The following C10orf90 variants were observed in gnomAD, a reference collection of about 807,000 sequenced individuals.
The protein encoded by C10orf90 is (E2-independent) E3 ubiquitin-conjugating enzyme FATS.
C10orf90 carries 56 observed loss-of-function variants against 62.5 expected under a neutral mutation model. The observed-to-expected ratio is 0.90, with a 90% confidence interval of 0.72 to 1.12. The LOEUF is 1.12. Ranked by LOEUF, C10orf90 falls within the 50% of genes most tolerant of loss-of-function variation. The pLI is 0.00. For synonymous variants in C10orf90, 386 were observed against 340.4 expected (o/e 1.13, Z -1.47); for missense variants, 970 against 880.4 (o/e 1.10, Z -1.29).
At chr10:126,496,509 G>T in intron 4 of C10orf90, 1 of 245,368 alleles carries the variant, frequency 4.1e-6, no homozygotes, top group Non-Finnish European at 6.5e-6. Flanking sequence ...CCACATGAAG[G>T]ACAATAAAGT....
At chr10:126,564,078 A>G (rs1215919369) in intron 2 of C10orf90, among the ~76,000 whole-genome samples, 1 of 152,104 alleles carries the variant, frequency 6.6e-6, no homozygotes, top group Non-Finnish European at 1.5e-5. Flanking sequence ...GTCTCCAGAC[A>G]TTGCAAATGG....
chr10:126,440,724 A>G (rs1858252882), intron 7 of C10orf90, among the ~76,000 whole-genome samples: 1 of 152,200 alleles, frequency 6.6e-6, no homozygotes, highest in African/African-American at 2.4e-5. Context: ...GACTCTGTGC[A>G]GACAACCCCC....
intron 2 of C10orf90, among the ~76,000 whole-genome samples, chr10:126,565,190 T>TTATATTACATAATATGTAATATAATA (rs1844326691): frequency 1.3e-4 from 3 of 22,960 alleles, no homozygotes; most frequent in Non-Finnish European, 1.8e-4. Context: ...TAATATAATA[T>TTATATTACATAATATGTAATATAATA]TTATATTACA....
At chr10:126,515,635 C>A (rs1190738449) in intron 2 of C10orf90, among the ~76,000 whole-genome samples, 1 of 152,182 alleles carries the variant, frequency 6.6e-6, no homozygotes, top group East Asian at 1.9e-4. Context: ...AATCCTCCAA[C>A]CACATTTCTC....
chr10:126,563,069 A>C (rs1044038684), intron 2 of C10orf90, among the ~76,000 whole-genome samples: 1 of 152,210 alleles, frequency 6.6e-6, no homozygotes, highest in Non-Finnish European at 1.5e-5. Flanking sequence ...CCAGCCCCGG[A>C]GTATTTACAC....
chr10:126,429,246 C>A (rs1857434497), intron 8 of C10orf90, among the ~76,000 whole-genome samples: 1 of 152,134 alleles, frequency 6.6e-6, no homozygotes, highest in African/African-American at 2.4e-5. Context: ...ACCAGCCAAG[C>A]AGAATAAGGA....
At chr10:126,639,358 C>T (rs1286913530) in intron 2 of C10orf90, among the ~76,000 whole-genome samples, 1 of 152,194 alleles carries the variant, frequency 6.6e-6, no homozygotes, top group Non-Finnish European at 1.5e-5. Context: ...CGATATCTCC[C>T]CAGGAGGTGC....
chr10:126,663,010 C>T (rs1396060684), intron 1 of C10orf90, among the ~76,000 whole-genome samples: 2 of 152,202 alleles, frequency 1.3e-5, no homozygotes, highest in Non-Finnish European at 2.9e-5. Flanking sequence ...GTTCCTGGCA[C>T]ACAGTAGGTC....
intron 4 of C10orf90, among the ~76,000 whole-genome samples, chr10:126,490,423 G>A (rs953108809): frequency 2.7e-4 from 41 of 151,616 alleles, no homozygotes; most frequent in African/African-American, 9.2e-4. Flanking sequence ...TGTTTAATGG[G>A]GAGTTAGTGT....
At chr10:126,565,395 TTA>T (rs1207023777) in intron 2 of C10orf90, among the ~76,000 whole-genome samples, 3 of 74,034 alleles carry the variant, frequency 4.1e-5, no homozygotes, top group East Asian at 7.0e-4. Flanking sequence ...ATTATATATA[TTA>T]TATTATATAT....
intron 2 of C10orf90, among the ~76,000 whole-genome samples, chr10:126,565,378 A>G (rs1362898176): frequency 1.3e-5 from 1 of 79,384 alleles, no homozygotes; most frequent in South Asian, 3.1e-4. Context: ...TTTATATAAT[A>G]ATATATATTA....
At chr10:126,666,581 A>G (rs1224913631) in intron 1 of C10orf90, among the ~76,000 whole-genome samples, 1 of 152,138 alleles carries the variant, frequency 6.6e-6, no homozygotes, top group Admixed American at 6.5e-5. Context: ...GTCACCTGGT[A>G]AGTGTTCTTC....
chr10:126,530,499 G>A (rs1864065109), intron 2 of C10orf90, among the ~76,000 whole-genome samples: 1 of 151,518 alleles, frequency 6.6e-6, no homozygotes, highest in Non-Finnish European at 1.5e-5. Flanking sequence ...CAAATTGCTT[G>A]AAAAAAAATA....
Position 126,594,988 on chromosome 10 carries a change from A to G in C10orf90, c.313+51577T>C, listed in dbSNP as rs576350020. Among the ~76,000 whole-genome samples the G allele has an allele frequency of 5.3e-5, 8 of 152,270 alleles. No individual in the cohort carries two copies. The East Asian group carries it at 1.5e-3, about 29-fold the overall frequency. ...GAGACATGATCAGGTTCATGCTAAG[A>G]GAGACCACTCTACTTTAAAAGGTTT... On this transcript the variant is annotated intron_variant, in intron 2 of 9. Transcript: ENST00000488181.
At chr10:126,605,212 C>T (rs1328067234) in intron 2 of C10orf90, among the ~76,000 whole-genome samples, 1 of 152,154 alleles carries the variant, frequency 6.6e-6, no homozygotes, top group Admixed American at 6.5e-5. Flanking sequence ...ATATGAATGA[C>T]CGTAAATGCC....
intron 2 of C10orf90, among the ~76,000 whole-genome samples, chr10:126,600,475 G>T (rs777234511): frequency 6.6e-6 from 1 of 152,122 alleles, no homozygotes; most frequent in Non-Finnish European, 1.5e-5. Flanking sequence ...CCTCATGGGC[G>T]CACACATGAC....
intron 2 of C10orf90, among the ~76,000 whole-genome samples, chr10:126,568,702 C>A (rs981187649): frequency 6.6e-6 from 1 of 152,114 alleles, no homozygotes; most frequent in South Asian, 2.1e-4. Context: ...TCTGCCTACA[C>A]CAGATAGAGG....
chr10:126,578,529 T>C (rs1198264982), intron 2 of C10orf90, among the ~76,000 whole-genome samples: 2 of 152,208 alleles, frequency 1.3e-5, no homozygotes, highest in Non-Finnish European at 2.9e-5. Context: ...CAAGTAGTGC[T>C]GCTGGTGGTG....
intron 4 of C10orf90, among the ~76,000 whole-genome samples, chr10:126,467,195 C>T (rs1245214325): frequency 6.6e-6 from 1 of 152,200 alleles, no homozygotes; most frequent in Non-Finnish European, 1.5e-5. Context: ...TTGTGTAAGT[C>T]AGATGTTCAG....
Sources: allele counts gnomAD v4.1 joint callset (sites outside exome capture counted in the v4.1 genomes callset), GRCh38; gene constraint gnomAD v4.1.1; transcripts MANE v1.5; gene names NCBI Gene and HGNC (gene_info 2026-07-23, HGNC 2026-07-21).